KIF6: variants seen among roughly 807,000 people sequenced by gnomAD.
KIF6 encodes kinesin family member 6.
Under a neutral mutation model 112.7 loss-of-function variants are expected in KIF6, and 106 were observed. The ratio of observed to expected loss-of-function variants is 0.94; its 90% CI spans 0.80 to 1.11. The LOEUF is 1.11. Among genes scored for constraint, KIF6 ranks in the 50% least tolerant of loss-of-function variants. KIF6 has a pLI of 0.00. For synonymous variants in KIF6, 339 were observed against 339.9 expected (o/e 1.00, Z 0.03); for missense variants, 929 against 964.0 (o/e 0.96, Z 0.48).
At chr6:39,677,684 C>A (rs922609601) in intron 3 of KIF6, among the ~76,000 whole-genome samples, 4 of 106,328 alleles carry the variant, frequency 3.8e-5, no homozygotes, top group African/African-American at 1.1e-4. Flanking sequence ...CCTCCCCCCT[C>A]CCCCGACCCC....
intron 14 of KIF6, among the ~76,000 whole-genome samples, chr6:39,422,966 G>T (rs770135023): frequency 1.7e-4 from 26 of 152,248 alleles, no homozygotes; most frequent in Non-Finnish European, 2.9e-5. Flanking sequence ...TGCTGATGAG[G>T]CTGCACCTTG....
At chr6:39,678,032 C>T (rs1403999845) in intron 3 of KIF6, among the ~76,000 whole-genome samples, 2 of 151,876 alleles carry the variant, frequency 1.3e-5, no homozygotes, top group Non-Finnish European at 2.9e-5. Flanking sequence ...ATTTATGCAG[C>T]CAAAAAACAC....
chr6:39,496,428 T>C (rs1054990146), intron 13 of KIF6, among the ~76,000 whole-genome samples: 1 of 152,176 alleles, frequency 6.6e-6, no homozygotes, highest in Non-Finnish European at 1.5e-5. Context: ...ACACTAAATA[T>C]TAACACATTG....
Position 39,644,973 on chromosome 6 carries a change from T to C in KIF6, c.252-5216A>G, listed in dbSNP as rs561810702. Among the ~76,000 whole-genome samples the C allele has an allele frequency of 8.9e-4, 135 of 152,302 alleles. 1 individual carries two copies. The highest frequency in any genetic ancestry group is 1.6e-3 in the Non-Finnish European group (108 of 68,022). Reference sequence around the variant, plus strand: ...AAAGGAATGAAAAGCTAATGATACATTTCAGCAATGAAGAGTGAGATAAAC... The same window carrying C: ...AAAGGAATGAAAAGCTAATGATACACTTCAGCAATGAAGAGTGAGATAAAC... On this transcript the variant is annotated intron_variant, in intron 3 of 22. Coordinates refer to ENST00000287152, the MANE Select transcript of KIF6 (RefSeq NM_145027.6).
At chr6:39,674,353 TC>T (rs1208393170) in intron 3 of KIF6, among the ~76,000 whole-genome samples, 1 of 152,056 alleles carries the variant, frequency 6.6e-6, no homozygotes, top group Non-Finnish European at 1.5e-5. Flanking sequence ...TAGAAGTTGA[TC>T]CTGAGCAAAA....
intron 16 of KIF6, among the ~76,000 whole-genome samples, chr6:39,372,648 T>C (rs1294794540): frequency 6.6e-6 from 1 of 152,216 alleles, no homozygotes; most frequent in Non-Finnish European, 1.5e-5. Flanking sequence ...ACTGACTATA[T>C]TTTGAAATAT....
intron 15 of KIF6, among the ~76,000 whole-genome samples, chr6:39,403,520 A>G (rs1768864426): frequency 6.6e-6 from 1 of 152,148 alleles, no homozygotes; most frequent in South Asian, 2.1e-4. Context: ...GTAATGTTCT[A>G]TTGTATGCAC....
intron 15 of KIF6, among the ~76,000 whole-genome samples, chr6:39,418,857 C>T (rs1204964849): frequency 6.6e-6 from 1 of 152,098 alleles, no homozygotes; most frequent in Non-Finnish European, 1.5e-5. Context: ...ACAGTGGCTT[C>T]TGTCCTGTCC....
At chr6:39,352,170 G>T (rs1194531603) in intron 19 of KIF6, among the ~76,000 whole-genome samples, 2 of 152,204 alleles carry the variant, frequency 1.3e-5, no homozygotes, top group Non-Finnish European at 2.9e-5. Flanking sequence ...ATAGTACAGA[G>T]AATTCCCTTA....
At chr6:39,612,296 TAAA>T (rs750279300) in intron 6 of KIF6, among the ~76,000 whole-genome samples, 1 of 152,136 alleles carries the variant, frequency 6.6e-6, no homozygotes, top group Non-Finnish European at 1.5e-5. Context: ...AGAGACAAGG[TAAA>T]ATACAGAACT....
At chr6:39,512,153 C>T (rs1018034115) in intron 13 of KIF6, among the ~76,000 whole-genome samples, 13 of 152,082 alleles carry the variant, frequency 8.5e-5, no homozygotes, top group South Asian at 2.1e-4. Flanking sequence ...CAGAGGCTGC[C>T]GGTATAAAGA....
At chr6:39,661,642 GC>G (rs1490415191) in intron 3 of KIF6, among the ~76,000 whole-genome samples, 3 of 152,168 alleles carry the variant, frequency 2.0e-5, no homozygotes, top group African/African-American at 7.2e-5. Context: ...GCATGCAGTA[GC>G]GGGGAAAGAA....
chr6:39,610,231 T>TA (rs1027829508), intron 6 of KIF6, among the ~76,000 whole-genome samples: 4 of 151,842 alleles, frequency 2.6e-5, no homozygotes, highest in East Asian at 1.9e-4. Flanking sequence ...CAGTTCAACT[T>TA]AAAAAAAAAT....
chr6:39,623,177 T>TA (rs1783917875), intron 5 of KIF6, among the ~76,000 whole-genome samples: 1 of 152,246 alleles, frequency 6.6e-6, no homozygotes, highest in African/African-American at 2.4e-5. Context: ...TTAGAAGTAG[T>TA]ATAACATGAT....
intron 3 of KIF6, among the ~76,000 whole-genome samples, chr6:39,664,205 T>G (rs992225311): frequency 1.4e-4 from 22 of 152,120 alleles, no homozygotes; most frequent in Admixed American, 1.1e-3. Flanking sequence ...GAGTTCAAGC[T>G]TGGTGTTTCA....
intron 3 of KIF6, among the ~76,000 whole-genome samples, chr6:39,670,469 T>C (rs1475550288): frequency 1.3e-5 from 2 of 152,162 alleles, no homozygotes; most frequent in Non-Finnish European, 2.9e-5. Context: ...AAGAAAATTA[T>C]AAGGAAGAAA....
At chr6:39,359,494 G>A (rs367650365) in intron 18 of KIF6, among the ~76,000 whole-genome samples, 1 of 152,234 alleles carries the variant, frequency 6.6e-6, no homozygotes, top group South Asian at 2.1e-4. Flanking sequence ...TTAAAACAAC[G>A]CTGTAGGATA....
intron 14 of KIF6, among the ~76,000 whole-genome samples, chr6:39,426,959 A>G (rs928911855): frequency 6.6e-6 from 1 of 152,186 alleles, no homozygotes; most frequent in East Asian, 1.9e-4. Context: ...CATGGGGGCA[A>G]TTAGTTCCAG....
rs1290223105 is a variant in KIF6, at chr6:39,346,545, T to C, written c.2181-19A>G. On this transcript the variant is annotated intron_variant, in intron 19 of 22. Transcript: ENST00000287152. Reference sequence around the variant, plus strand: ...TCCAGAACTGTGAAAAATAAACGTTTGTTGTTTGAGCCACTCAGTCTATAG... The same window carrying C: ...TCCAGAACTGTGAAAAATAAACGTTCGTTGTTTGAGCCACTCAGTCTATAG... 1 of 700,208 alleles carries C rather than the reference T, an allele frequency of 1.4e-6. No homozygotes were observed. Among genetic ancestry groups the C allele is most frequent in the Admixed American group, 2.0e-5 (1 of 49,388 alleles). The allele number at this position is 700,208 out of a possible 1,614,324, so 43.4% of individuals were successfully genotyped here. A position where few individuals can be genotyped will look rare whatever the true frequency, so the allele number is the denominator to read the frequency against.
Sources: allele counts gnomAD v4.1 joint callset (sites outside exome capture counted in the v4.1 genomes callset), GRCh38; gene constraint gnomAD v4.1.1; transcripts MANE v1.5; gene names NCBI Gene and HGNC (gene_info 2026-07-23, HGNC 2026-07-21).